The following GLOD4 variants were observed in gnomAD, a reference collection of about 807,000 sequenced individuals.
GLOD4 encodes the protein glyoxalase domain containing 4.
Under a neutral mutation model 39.1 loss-of-function variants are expected in GLOD4, and 44 were observed. The observed-to-expected ratio is 1.13, with a 90% confidence interval of 0.88 to 1.45. The LOEUF (loss-of-function observed/expected upper bound fraction) is 1.45. GLOD4 is among the 40% of genes most tolerant of loss of function. GLOD4 has a pLI of 0.00. For missense variants in GLOD4, 405 were observed against 366.4 expected, an observed-to-expected ratio of 1.11 and a Z score of -0.86; for synonymous variants, 145 against 135.0, an observed-to-expected ratio of 1.07 and a Z score of -0.52.
At chr17:781,877 G>A (rs1320396475) in intron 1 of GLOD4, 1 of 433,008 alleles carries the variant, frequency 2.3e-6, no homozygotes, top group Non-Finnish European at 4.1e-6. Flanking sequence ...TTTTCCGGTA[G>A]ACGGTAAGCT....
intron 5 of GLOD4, 120 bp from the exon 6 acceptor site, chr17:770,627 C>T (rs889216634): frequency 9.2e-6 from 6 of 650,476 alleles, no homozygotes; most frequent in African/African-American, 9.1e-5. Flanking sequence ...CTCTATCCTA[C>T]TCTCACCCCA....
intron 3 of GLOD4, 40 bp downstream of exon 3, chr17:776,828 A>G (rs1567794717): frequency 6.5e-7 from 1 of 1,547,058 alleles, no homozygotes; most frequent in African/African-American, 1.4e-5. Context: ...CCAGCCACCT[A>G]CCCCCAGCCA....
intron 8 of GLOD4, chr17:764,365 C>A (rs915914480): frequency 6.6e-6 from 1 of 152,210 alleles, no homozygotes; most frequent in Non-Finnish European, 1.5e-5. Flanking sequence ...AGCTAAAAAA[C>A]CCACAAAAAG....
rs374873979 is a variant in GLOD4 at position 775,746 on chromosome 17, G to A, written c.406+29C>T. On this transcript the variant is annotated intron_variant, in intron 4 of 8. Coordinates refer to ENST00000301329, the MANE Select transcript of GLOD4 (RefSeq NM_016080.4). ...CTTTCACCAAAGATGCCTTTAGACA[G>A]AGGCTTTTACTGGTTCTGGTATAAT... 8.8e-6 allele frequency: 14 copies of A among 1,598,578 alleles called. No individual in the cohort carries two copies. In the African/African-American group the frequency reaches 1.6e-4, roughly 18 times the overall value.
chr17:763,274 G>A lies in GLOD4; in HGVS notation c.832-3036C>T, dbSNP rs552707486. Among the ~76,000 whole-genome samples, 162 of 152,044 alleles carry A rather than the reference G, an allele frequency of 1.1e-3. 2 individuals carry two copies. The highest frequency in any genetic ancestry group is 3.7e-3 in the African/African-American group (154 of 41,484). On this transcript the variant is annotated intron_variant, in intron 8 of 8. Coordinates refer to ENST00000301329, the MANE Select transcript of GLOD4 (RefSeq NM_016080.4). ...TGTAATCCCAGCACTTTGGGAGGCT[G>A]AGGCAGGTGGATCACCTGAGGTCAA...
At chr17:770,218 G>A (rs762510675) in intron 6 of GLOD4, 61 bp from the exon 7 acceptor site, 4 of 901,566 alleles carry the variant, frequency 4.4e-6, no homozygotes, top group African/African-American at 1.6e-5. Flanking sequence ...CACGGCCCTC[G>A]TCAGTCCTAG....
At chr17:766,872 C>T (rs1906666604) in intron 8 of GLOD4, among the ~76,000 whole-genome samples, 1 of 152,176 alleles carries the variant, frequency 6.6e-6, no homozygotes, top group African/African-American at 2.4e-5. Context: ...GCACTCCACC[C>T]TGGGCGACAG....
At chr17:781,972 AG>A in intron 1 of GLOD4, 193 bp downstream of exon 1, 2 of 583,236 alleles carry the variant, frequency 3.4e-6, no homozygotes, top group South Asian at 4.2e-5. Context: ...TAATCGTGTT[AG>A]GCCCTTCTCC....
intron 8 of GLOD4, among the ~76,000 whole-genome samples, chr17:762,584 C>A (rs1187731998): frequency 6.7e-6 from 1 of 148,734 alleles, no homozygotes; most frequent in Non-Finnish European, 1.5e-5. Flanking sequence ...GCGTGATCTT[C>A]AGGGATGAAG....
chr17:761,732 G>A (rs7503563), intron 8 of GLOD4, among the ~76,000 whole-genome samples: 31 of 152,330 alleles, frequency 2.0e-4, no homozygotes, highest in Admixed American at 5.9e-4. Flanking sequence ...TGGGACTCCT[G>A]ACCTCAGGTG....
intron 3 of GLOD4, 103 bp from the exon 4 acceptor site, chr17:776,022 C>T: frequency 3.5e-6 from 3 of 846,562 alleles, no homozygotes; most frequent in African/African-American, 1.7e-5. Flanking sequence ...TAGGTAAAAT[C>T]ACCTAAGATT....
chr17:775,666 GAC>G, intron 4 of GLOD4, 107 bp downstream of exon 4: 1 of 846,714 alleles, frequency 1.2e-6, no homozygotes, highest in Non-Finnish European at 1.9e-6. Flanking sequence ...GGCTGGGGAA[GAC>G]ACGTCACGTG....
rs568889060 is a variant in GLOD4, at chr17:782,133, C to T, written c.90+33G>A. 21 of 1,524,972 alleles carry T rather than the reference C, an allele frequency of 1.4e-5. No individual in the cohort carries two copies. The East Asian group carries it at 4.6e-4, about 33-fold the overall frequency. 94.5% of individuals were successfully genotyped at this position (1,524,972 alleles called of 1,614,324 possible). On this transcript the variant is annotated intron_variant, in intron 1 of 8. Transcript: ENST00000301329. The stretch of plus-strand genomic sequence containing the variant: ...CCGGCTCGGGCGCCGGTTCCAGCCT[C>T]GCGCGCCAGCCCCTGTCGGCCCCGG...
chr17:778,467 C>T (rs899812397), intron 2 of GLOD4: 5 of 596,854 alleles, frequency 8.4e-6, no homozygotes, highest in African/African-American at 1.9e-5. Flanking sequence ...GTTCCCGACG[C>T]TCCTGAAGTT....
At chr17:785,238 G>A (rs1223964690), upstream of GLOD4, among the ~76,000 whole-genome samples, 1 of 151,956 alleles carries the variant, frequency 6.6e-6, no homozygotes, top group Non-Finnish European at 1.5e-5. Context: ...AGAAACTTGT[G>A]GATATGTGAT....
At chr17:783,009 T>C, upstream of GLOD4, 1 of 1,531,496 alleles carries the variant, frequency 6.5e-7, no homozygotes, top group South Asian at 1.3e-5. Flanking sequence ...TCTTTATTTC[T>C]GTTACAACTA....
chr17:768,583 T>C (rs1424668621), intron 8 of GLOD4, among the ~76,000 whole-genome samples: 3 of 129,564 alleles, frequency 2.3e-5, no homozygotes, highest in Non-Finnish European at 4.8e-5. Context: ...CTCAGATTTT[T>C]AGAAGAAGAA....
Position 776,996 on chromosome 17 carries a change from A to G in GLOD4, c.141-8T>C. On this transcript the variant is annotated splice_polypyrimidine_tract_variant and splice_region_variant and intron_variant, in intron 2 of 8. Coordinates refer to ENST00000301329, the MANE Select transcript of GLOD4 (RefSeq NM_016080.4). ...CATTTCCCATCATAAGGCCTAGAAA[A>G]TAAAAGTAAATGAACTCAGTGACTA... 1 of 1,611,630 alleles carries G rather than the reference A, an allele frequency of 6.2e-7. No homozygotes were observed. Among genetic ancestry groups the G allele is most frequent in the East Asian group, 2.2e-5 (1 of 44,872 alleles).
chr17:771,598 C>A (rs552529346), intron 4 of GLOD4, 137 bp from the exon 5 acceptor site: 6 of 507,942 alleles, frequency 1.2e-5, no homozygotes, highest in Non-Finnish European at 2.0e-5. Context: ...CTGGGTGCAG[C>A]GGCCCATGCC....
Sources: gnomAD v4.1 joint callset for allele counts (sites outside exome capture counted in the v4.1 genomes callset) on GRCh38, gnomAD v4.1.1 for gene constraint, MANE v1.5 for transcripts, NCBI Gene and HGNC (gene_info 2026-07-23, HGNC 2026-07-21) for gene names.